Variants in EXOC4 observed in about 807,000 individuals in gnomAD.
The protein encoded by EXOC4 is SEC8-like 1.
Under a neutral mutation model 107.2 loss-of-function variants are expected in EXOC4, and 71 were observed. The ratio of observed to expected loss-of-function variants is 0.66; its 90% CI spans 0.55 to 0.81. The LOEUF (loss-of-function observed/expected upper bound fraction) is 0.81. Among genes scored for constraint, EXOC4 ranks in the 30% least tolerant of loss-of-function variants. The pLI is 0.00. For synonymous variants in EXOC4, 456 were observed against 441.2 expected, an observed-to-expected ratio of 1.03 and a Z score of -0.42; for missense variants, 1,108 against 1,189.6, an observed-to-expected ratio of 0.93 and a Z score of 1.01.
intron 9 of EXOC4, among the ~76,000 whole-genome samples, chr7:133,514,204 G>A (rs893534270): frequency 1.4e-4 from 21 of 150,078 alleles, no homozygotes; most frequent in African/African-American, 2.2e-4. Flanking sequence ...TCGCTCTGTC[G>A]CCCAGGCTGG....
intron 7 of EXOC4, among the ~76,000 whole-genome samples, chr7:133,455,443 T>C (rs1449370028): frequency 6.6e-6 from 1 of 152,218 alleles, no homozygotes; most frequent in Non-Finnish European, 1.5e-5. Flanking sequence ...TATTTTCTTA[T>C]CAAATTTTAT....
Position 133,814,520 on chromosome 7 carries a change from T to C in EXOC4, c.1515-2805T>C, listed in dbSNP as rs552751297. Among the ~76,000 whole-genome samples the C allele has an allele frequency of 2.0e-5, 3 of 152,306 alleles. No individual in the cohort carries two copies. In the East Asian group the frequency reaches 5.8e-4, roughly 29 times the overall value. Reference sequence around the variant, plus strand: ...AGATGATCACATCCATATTTAGATATAGCTCTCAGAAGAATTTCCCAGGAG... The same window carrying C: ...AGATGATCACATCCATATTTAGATACAGCTCTCAGAAGAATTTCCCAGGAG... On this transcript the variant is annotated intron_variant, in intron 10 of 17. Coordinates refer to ENST00000253861, the MANE Select transcript of EXOC4 (RefSeq NM_021807.4).
chr7:133,364,848 C>T (rs910114401), intron 6 of EXOC4, among the ~76,000 whole-genome samples: 15 of 152,142 alleles, frequency 9.9e-5, no homozygotes, highest in African/African-American at 3.6e-4. Context: ...AATGTGAAAG[C>T]TGAAATAATT....
intron 9 of EXOC4, among the ~76,000 whole-genome samples, chr7:133,532,510 G>A (rs1173430059): frequency 6.6e-6 from 1 of 151,982 alleles, no homozygotes; most frequent in Non-Finnish European, 1.5e-5. Flanking sequence ...TATATATGGA[G>A]CTATGGTCAT....
At chr7:134,057,071 G>A (rs769052081) in intron 17 of EXOC4, among the ~76,000 whole-genome samples, 32 of 152,280 alleles carry the variant, frequency 2.1e-4, no homozygotes, top group South Asian at 4.1e-4. Context: ...AGGCGTGATG[G>A]TTATCAGGAC....
rs1225182793 is a variant in EXOC4, at chr7:133,572,381, G to T, written c.1418-57664G>T. Among the ~76,000 whole-genome samples, 3 of 152,022 alleles carry T rather than the reference G, an allele frequency of 2.0e-5. No individual in the cohort carries two copies. In the East Asian group the frequency reaches 5.8e-4, roughly 29 times the overall value. On this transcript the variant is annotated intron_variant, in intron 9 of 17. Coordinates refer to ENST00000253861, the MANE Select transcript of EXOC4 (RefSeq NM_021807.4). ...TGAATAATTGAACAGGCTAAAACAT[G>T]AACTGGAAAAGATGACTGGAACTGA...
At chr7:133,508,878 A>C (rs907466465) in intron 9 of EXOC4, among the ~76,000 whole-genome samples, 1 of 152,134 alleles carries the variant, frequency 6.6e-6, no homozygotes, top group Non-Finnish European at 1.5e-5. Flanking sequence ...AAAATAATAA[A>C]ATGCTATAGA....
intron 10 of EXOC4, among the ~76,000 whole-genome samples, chr7:133,713,776 C>T (rs1168193032): frequency 1.3e-5 from 2 of 152,078 alleles, no homozygotes; most frequent in South Asian, 2.1e-4. Flanking sequence ...CTTCTTGCCT[C>T]CTTGTGAAGA....
In EXOC4 at chr7:133,857,137, TACAC is replaced by T. The variant is rs1162787838; in HGVS notation, c.1735-38460_1735-38457del. On this transcript the variant is annotated intron_variant, in intron 11 of 17. Coordinates refer to ENST00000253861, the MANE Select transcript of EXOC4 (RefSeq NM_021807.4). ...GTGTATATATATATGTATATATATA[TACAC>T]ATACACGTATATATATATATATATA... Among the ~76,000 whole-genome samples, 190 of 71,032 alleles carry T rather than the reference TACAC, an allele frequency of 2.7e-3. 2 individuals carry two copies. The highest frequency in any genetic ancestry group is 3.6e-3 in the Non-Finnish European group (139 of 39,036). 46.6% of individuals were successfully genotyped at this position (71,032 alleles called of 152,430 possible). A position where few individuals can be genotyped will look rare whatever the true frequency, so the allele number is the denominator to read the frequency against.
At chr7:133,674,715 A>G (rs544145704) in intron 10 of EXOC4, among the ~76,000 whole-genome samples, 1 of 152,334 alleles carries the variant, frequency 6.6e-6, no homozygotes, top group East Asian at 1.9e-4. Flanking sequence ...TTGTGAATGA[A>G]TTTAGCACTT....
intron 6 of EXOC4, among the ~76,000 whole-genome samples, chr7:133,366,530 G>A (rs887644988): frequency 6.6e-6 from 1 of 152,056 alleles, no homozygotes; most frequent in Non-Finnish European, 1.5e-5. Flanking sequence ...CTTTCAGTTC[G>A]TAACTGTACT....
chr7:134,047,272 C>T (rs1018910203), intron 17 of EXOC4, among the ~76,000 whole-genome samples: 3 of 152,002 alleles, frequency 2.0e-5, no homozygotes, highest in African/African-American at 7.3e-5. Context: ...GATACTTTTT[C>T]GTCCTAAAAA....
intron 5 of EXOC4, among the ~76,000 whole-genome samples, chr7:133,326,785 G>A (rs1026622363): frequency 6.6e-6 from 1 of 152,186 alleles, no homozygotes; most frequent in Non-Finnish European, 1.5e-5. Flanking sequence ...CCTTTCGTTC[G>A]GCTATGCCCT....
chr7:133,758,495 C>T (rs1008183151), intron 10 of EXOC4, among the ~76,000 whole-genome samples: 1 of 152,124 alleles, frequency 6.6e-6, no homozygotes, highest in African/African-American at 2.4e-5. Flanking sequence ...ATATCCCAGG[C>T]CCTAGGGACA....
At chr7:133,963,493 G>A (rs1335245574) in intron 14 of EXOC4, among the ~76,000 whole-genome samples, 2 of 152,136 alleles carry the variant, frequency 1.3e-5, no homozygotes, top group Admixed American at 1.3e-4. Flanking sequence ...AACACCTGAG[G>A]GTGTTTCTGA....
chr7:134,004,944 C>A lies in EXOC4; in HGVS notation c.2381C>A (p.Ala794Glu), dbSNP rs753864971. 6.2e-7 allele frequency: 1 copy of A among 1,613,236 alleles called. No homozygotes were observed. Among genetic ancestry groups the A allele is most frequent in the Non-Finnish European group, 8.5e-7 (1 of 1,179,462 alleles). The part of the protein sequence containing the change: ...VHCFHYLIPL[A>E]KEGNYAIVAN... ...TGTTTCCACTATCTTATCCCTCTTG[C>A]AAAGGAGGGGAACTATGCCATTGTG... The change falls in exon 16 of 18, where the codon GCA (alanine) becomes GAA (glutamate). Residue 794 changes from alanine (A) to glutamate (E), a missense_variant. By Grantham distance (107) the Ala-to-Glu change is moderately radical (BLOSUM62 -1). Coordinates refer to ENST00000253861, the MANE Select transcript of EXOC4 (RefSeq NM_021807.4).
rs544315390 is a variant in EXOC4, at chr7:133,967,308, G to A, written c.2206+29239G>A. 1.5e-4 allele frequency among the ~76,000 whole-genome samples: 22 copies of A among 151,162 alleles called. No homozygotes were observed. In the East Asian group the frequency reaches 2.0e-3, roughly 13 times the overall value. ...TGATTTTTTTTTTGAAGTGTTTTTC[G>A]TCTCTCTGTCTCTTTCAATTCTGCT... On this transcript the variant is annotated intron_variant, in intron 14 of 17. Coordinates refer to ENST00000253861, the MANE Select transcript of EXOC4 (RefSeq NM_021807.4).
At chr7:133,562,085 A>G (rs1375996965) in intron 9 of EXOC4, among the ~76,000 whole-genome samples, 1 of 152,166 alleles carries the variant, frequency 6.6e-6, no homozygotes, top group African/African-American at 2.4e-5. Flanking sequence ...GCCAGTGGGG[A>G]AATTGGTTTT....
chr7:133,784,557 A>C (rs1472351360), intron 10 of EXOC4, among the ~76,000 whole-genome samples: 1 of 152,196 alleles, frequency 6.6e-6, no homozygotes, highest in African/African-American at 2.4e-5. Context: ...CTGACAGTCC[A>C]GGCTAGTCAT....
Sources: gnomAD v4.1 joint callset for allele counts (sites outside exome capture counted in the v4.1 genomes callset) on GRCh38, gnomAD v4.1.1 for gene constraint, MANE v1.5 for transcripts, NCBI Gene and HGNC (gene_info 2026-07-23, HGNC 2026-07-21) for gene names.